Variants in PTPRB observed in about 807,000 individuals in gnomAD.
The protein encoded by PTPRB is protein tyrosine phosphatase receptor type B.
Under a neutral mutation model 238.1 loss-of-function variants are expected in PTPRB, and 97 were observed. That is an observed-to-expected ratio of 0.41 (90% CI 0.35 to 0.48). The LOEUF is 0.48. PTPRB is among the 20% of genes least tolerant of loss of function. The probability of loss-of-function intolerance (pLI) is 0.30; values close to 1 mark genes in which losing one functional copy is unlikely to be tolerated. For synonymous variants in PTPRB, 970 were observed against 995.4 expected (o/e 0.97, Z 0.48); for missense variants, 2,292 against 2,681.9 (o/e 0.85, Z 3.21).
chr12:70,587,942 A>G (rs569133731), intron 8 of PTPRB, among the ~76,000 whole-genome samples: 1 of 151,696 alleles, frequency 6.6e-6, no homozygotes, highest in Non-Finnish European at 1.5e-5. Context: ...CTCTACTAAA[A>G]ATACAAAAAT....
intron 3 of PTPRB, 70 bp downstream of exon 3, chr12:70,622,320 G>A: frequency 6.4e-7 from 1 of 1,567,378 alleles, no homozygotes; most frequent in South Asian, 1.2e-5. Context: ...TTTTAGCAAA[G>A]CAAGTCTTTT....
intron 33 of PTPRB, among the ~76,000 whole-genome samples, chr12:70,522,023 AG>A (rs1256778202): frequency 3.9e-5 from 6 of 152,238 alleles, no homozygotes; most frequent in African/African-American, 1.4e-4. Context: ...CAGATCAATT[AG>A]GGTGTAATTT....
intron 22 of PTPRB, 30 bp from the exon 23 acceptor site, chr12:70,540,987 G>A (rs781632236): frequency 2.3e-5 from 35 of 1,546,788 alleles, no homozygotes; most frequent in Non-Finnish European, 3.0e-5. Context: ...AACAACAAAC[G>A]CAGGTGGGAA....
chr12:70,597,938 A>G (rs1338986244), intron 4 of PTPRB, among the ~76,000 whole-genome samples: 2 of 152,228 alleles, frequency 1.3e-5, no homozygotes, highest in Non-Finnish European at 2.9e-5. Flanking sequence ...ATTTATGCTA[A>G]GTACATCATA....
At chr12:70,610,372 T>A (rs1020104661) in intron 3 of PTPRB, among the ~76,000 whole-genome samples, 1 of 151,850 alleles carries the variant, frequency 6.6e-6, no homozygotes. Context: ...TTGCTCCCTG[T>A]CACTTTCCAG....
intron 3 of PTPRB, among the ~76,000 whole-genome samples, chr12:70,613,515 G>A (rs1044578827): frequency 3.3e-5 from 5 of 151,670 alleles, no homozygotes; most frequent in Admixed American, 6.6e-5. Flanking sequence ...TCTTTCTCTC[G>A]TCCTTTAGGT....
chr12:70,635,696 G>C lies in PTPRB; in HGVS notation c.426C>G (p.Val142=). ...KIDVNKEGKL[V]NESLCLQKAG... ...CTTTTTGTAAACAGAGGCTTTCATT[G>C]ACCAGTTTTCCCTCCTTGTTGACAT... Residue 142 remains valine (V), a synonymous_variant, in exon 2 of 34, where the codon GTC becomes GTG. Transcript: ENST00000334414. 6.2e-7 allele frequency: 1 copy of C among 1,613,710 alleles called. No homozygotes were observed.
At chr12:70,565,799 C>A (rs1350255829) in intron 15 of PTPRB, among the ~76,000 whole-genome samples, 3 of 152,130 alleles carry the variant, frequency 2.0e-5, no homozygotes, top group African/African-American at 4.8e-5. Context: ...GAATATGTTA[C>A]CTTCTGTGGC....
At chr12:70,532,957 TTTAA>T (rs147142062) in intron 31 of PTPRB, among the ~76,000 whole-genome samples, 1,825 of 152,298 alleles carry the variant, frequency 0.012, 39 homozygotes, top group African/African-American at 0.041. Flanking sequence ...TCTAATTTCT[TTTAA>T]TTAATTCTCT....
intron 2 of PTPRB, among the ~76,000 whole-genome samples, chr12:70,625,274 T>C (rs983934082): frequency 4.6e-5 from 7 of 152,324 alleles, no homozygotes; most frequent in Admixed American, 2.0e-4. Flanking sequence ...TGCAAACTTT[T>C]GTAGCCATCA....
At position 70,562,989 on chromosome 12, in the gene PTPRB, A is replaced by G. The variant is rs1878702496; in HGVS notation, c.4023T>C (p.Asp1341=). The G allele has an allele frequency of 1.9e-6, 3 of 1,613,892 alleles. No individual in the cohort carries two copies. The highest frequency in any genetic ancestry group is 2.2e-5 in the East Asian group (1 of 44,900). ...SWYNIFLYNP[D]GNLQERAQVD... ...CTTGAGCTCTCTCCTGGAGATTCCCATCTGGGTTGTACAAAAAGATGTTGT... is the reference window on the plus strand; with the variant it reads ...CTTGAGCTCTCTCCTGGAGATTCCCGTCTGGGTTGTACAAAAAGATGTTGT... The change falls in exon 16 of 34, where the codon GAT becomes GAC. Residue 1341 remains aspartate, a synonymous_variant. Transcript: ENST00000334414.
At chr12:70,591,256 A>G (rs913364405) in intron 7 of PTPRB, among the ~76,000 whole-genome samples, 4 of 151,846 alleles carry the variant, frequency 2.6e-5, no homozygotes, top group African/African-American at 9.7e-5. Flanking sequence ...CCAAGTTTTT[A>G]CTGCTCTTAT....
At chr12:70,581,701 T>C (rs944098373) in intron 9 of PTPRB, among the ~76,000 whole-genome samples, 5 of 152,110 alleles carry the variant, frequency 3.3e-5, no homozygotes, top group African/African-American at 1.2e-4. Context: ...TGGGGTGGTA[T>C]TGGGAATTCC....
chr12:70,575,564 T>C (rs749580446), intron 11 of PTPRB, among the ~76,000 whole-genome samples: 43 of 152,290 alleles, frequency 2.8e-4, no homozygotes, highest in Middle Eastern at 6.8e-3. Flanking sequence ...GAGTGCCTAC[T>C]AAGCCCCAGG....
At chr12:70,532,386 T>C (rs1160982036) in intron 31 of PTPRB, among the ~76,000 whole-genome samples, 1 of 118,046 alleles carries the variant, frequency 8.5e-6, no homozygotes, top group Non-Finnish European at 1.7e-5. Context: ...CCTCCTCCAC[T>C]CTACCAGGGA....
intron 32 of PTPRB, among the ~76,000 whole-genome samples, chr12:70,529,006 G>A (rs926502332): frequency 5.3e-5 from 8 of 151,888 alleles, no homozygotes; most frequent in African/African-American, 1.7e-4. Context: ...ACATGTATGC[G>A]GAGGCAGGAG....
chr12:70,559,717 A>C, intron 17 of PTPRB, 93 bp from the exon 18 acceptor site: 1 of 1,220,658 alleles, frequency 8.2e-7, no homozygotes, highest in Admixed American at 2.2e-5. Flanking sequence ...CACACTTTTA[A>C]TGTACTTTGT....
Position 70,571,127 on chromosome 12 carries a change from TCGGTTG to T in PTPRB, c.3263_3268del (p.Ala1088_Thr1089del), listed in dbSNP as rs1879992753. On this transcript the variant is annotated inframe_deletion, in exon 13 of 34. Transcript: ENST00000334414. ...TGGTGTTAGGGAAGTAAATCGATAC[TCGGTTG>T]CGGTATTTACAAGGTGAAAAGGAGG... is the stretch of plus-strand genomic sequence containing the variant. The T allele has an allele frequency of 1.9e-6, 3 of 1,613,824 alleles. No homozygotes were observed. Among genetic ancestry groups the T allele is most frequent in the Middle Eastern group, 1.6e-4 (1 of 6,084 alleles).
Position 70,544,579 on chromosome 12 carries a change from A to G in PTPRB, c.5472T>C (p.Ser1824=), listed in dbSNP as rs1875675731. The G allele has an allele frequency of 1.9e-6, 3 of 1,612,112 alleles. No individual in the cohort carries two copies. Among genetic ancestry groups the G allele is most frequent in the Non-Finnish European group, 2.5e-6 (3 of 1,179,026 alleles). Reference sequence around the variant, plus strand: ...TACCTGATTCAGTAGTGATGGGTAAAGAAAAAAATGTGTCTGAATAGAGTG... The same window carrying G: ...TACCTGATTCAGTAGTGATGGGTAAGGAAAAAAATGTGTCTGAATAGAGTG... ...TKPLYSDTFF[S]LPITTESEPL... is the part of the protein sequence containing the mutation. The change falls in exon 22 of 34, where the codon TCT becomes TCC. Residue 1824 remains serine (S), a synonymous_variant. Coordinates refer to ENST00000334414, the MANE Select transcript of PTPRB (RefSeq NM_001109754.4).
Sources: allele counts gnomAD v4.1 joint callset (sites outside exome capture counted in the v4.1 genomes callset), GRCh38; gene constraint gnomAD v4.1.1; transcripts MANE v1.5; gene names NCBI Gene and HGNC (gene_info 2026-07-23, HGNC 2026-07-21).